The following MTMR7 variants were observed in gnomAD, a reference collection of about 807,000 sequenced individuals.
The protein encoded by MTMR7 is myotubularin related protein 7.
Under a neutral mutation model 81.2 loss-of-function variants are expected in MTMR7, and 76 were observed. The observed-to-expected ratio is 0.94, with a 90% CI of 0.78 to 1.13. The LOEUF (loss-of-function observed/expected upper bound fraction) is 1.13. MTMR7 is among the 50% of genes most tolerant of loss of function. The pLI, the probability that MTMR7 is intolerant of heterozygous loss-of-function variation, is 0.00. For synonymous variants in MTMR7, 372 were observed against 289.8 expected (o/e 1.28, Z -2.88); for missense variants, 1,044 against 820.0 (o/e 1.27, Z -3.34).
chr8:17,301,951 A>T, intron 13 of MTMR7: 1 of 564,548 alleles, frequency 1.8e-6, no homozygotes, highest in Non-Finnish European at 2.9e-6. Context: ...TGAGCCACAA[A>T]CCAGATGTGT....
intron 7 of MTMR7, among the ~76,000 whole-genome samples, chr8:17,327,613 G>A (rs1818753156): frequency 1.4e-5 from 2 of 145,550 alleles, no homozygotes; most frequent in South Asian, 2.1e-4. Flanking sequence ...ACGTATTTTG[G>A]ATTAGTCCCT....
At chr8:17,349,715 T>A (rs1038784475) in intron 4 of MTMR7, among the ~76,000 whole-genome samples, 4 of 152,316 alleles carry the variant, frequency 2.6e-5, no homozygotes, top group Non-Finnish European at 4.4e-5. Context: ...TACCGCGCAA[T>A]GTAACAGCTT....
intron 10 of MTMR7, 107 bp downstream of exon 10, chr8:17,309,170 G>A (rs1181570521): frequency 4.0e-6 from 3 of 746,670 alleles, no homozygotes; most frequent in Non-Finnish European, 6.9e-6. Flanking sequence ...CTGAATAAGA[G>A]ACACAAACTC....
intron 5 of MTMR7, among the ~76,000 whole-genome samples, chr8:17,344,944 C>A (rs771649985): frequency 1.6e-4 from 25 of 151,886 alleles, no homozygotes; most frequent in Non-Finnish European, 3.5e-4. Context: ...CCATGCTGTG[C>A]ACCATCTTAA....
chr8:17,359,885 T>G (rs1294840939), intron 4 of MTMR7, among the ~76,000 whole-genome samples: 1 of 152,182 alleles, frequency 6.6e-6, no homozygotes, highest in Non-Finnish European at 1.5e-5. Context: ...CTTTCCACAA[T>G]TATTTTTGAC....
intron 1 of MTMR7, among the ~76,000 whole-genome samples, chr8:17,386,466 G>C (rs2213904): frequency 0.42 from 64,547 of 152,102 alleles, 14,246 homozygotes; most frequent in Admixed American, 0.57. Flanking sequence ...ATAGGAGCAA[G>C]AGACAGAAAT....
intron 1 of MTMR7, among the ~76,000 whole-genome samples, chr8:17,400,058 A>G (rs550349491): frequency 6.6e-6 from 1 of 152,250 alleles, no homozygotes; most frequent in African/African-American, 2.4e-5. Context: ...GCAGAGGAAT[A>G]CCCTTTAAAA....
chr8:17,327,187 A>G (rs1051202878), intron 7 of MTMR7, among the ~76,000 whole-genome samples: 1 of 152,226 alleles, frequency 6.6e-6, no homozygotes, highest in Non-Finnish European at 1.5e-5. Context: ...AAAATTAATC[A>G]GTCTACTACT....
At chr8:17,341,019 T>A (rs1175364759) in intron 6 of MTMR7, among the ~76,000 whole-genome samples, 1 of 152,224 alleles carries the variant, frequency 6.6e-6, no homozygotes, top group Non-Finnish European at 1.5e-5. Context: ...TGAATTTTAT[T>A]GTCAGAGCAG....
intron 4 of MTMR7, among the ~76,000 whole-genome samples, chr8:17,359,294 T>G (rs887910822): frequency 6.6e-6 from 1 of 152,086 alleles, no homozygotes; most frequent in African/African-American, 2.4e-5. Context: ...AAGTACCATA[T>G]AGCAATGTAG....
At chr8:17,389,960 C>G (rs1821053641) in intron 1 of MTMR7, among the ~76,000 whole-genome samples, 1 of 151,648 alleles carries the variant, frequency 6.6e-6, no homozygotes, top group African/African-American at 2.4e-5. Flanking sequence ...CTGTACCAGA[C>G]ATAGAGTGTT....
chr8:17,328,243 T>C (rs1818794373), intron 7 of MTMR7, among the ~76,000 whole-genome samples: 1 of 152,074 alleles, frequency 6.6e-6, no homozygotes, highest in Non-Finnish European at 1.5e-5. Flanking sequence ...GGTGTCCCAG[T>C]GGGGCACACC....
At chr8:17,328,299 T>A (rs1818800491) in intron 7 of MTMR7, among the ~76,000 whole-genome samples, 1 of 152,144 alleles carries the variant, frequency 6.6e-6, no homozygotes, top group African/African-American at 2.4e-5. Context: ...CCTTTCCACC[T>A]TCCTCTTCAC....
chr8:17,376,681 C>A (rs1820600062), intron 1 of MTMR7, among the ~76,000 whole-genome samples: 1 of 152,080 alleles, frequency 6.6e-6, no homozygotes, highest in Admixed American at 6.6e-5. Flanking sequence ...TGATAGCTAA[C>A]AATATTGAGC....
chr8:17,306,642 T>C (rs763946292), intron 10 of MTMR7, among the ~76,000 whole-genome samples: 2 of 152,158 alleles, frequency 1.3e-5, no homozygotes, highest in Admixed American at 6.6e-5. Flanking sequence ...GATGTTTTGG[T>C]GTCATCAAAG....
chr8:17,348,383 CA>C (rs541527347), intron 5 of MTMR7, among the ~76,000 whole-genome samples: 89 of 141,672 alleles, frequency 6.3e-4, no homozygotes, highest in African/African-American at 2.0e-3. Context: ...ACTAAAAATA[CA>C]AAAAAAAAAC....
intron 6 of MTMR7, among the ~76,000 whole-genome samples, chr8:17,339,399 T>C (rs1390030643): frequency 1.3e-5 from 2 of 152,144 alleles, no homozygotes; most frequent in Non-Finnish European, 2.9e-5. Flanking sequence ...TAAAGAGACA[T>C]CCACTACCCA....
At chr8:17,306,644 T>C (rs1158784451) in intron 10 of MTMR7, among the ~76,000 whole-genome samples, 1 of 152,192 alleles carries the variant, frequency 6.6e-6, no homozygotes, top group African/African-American at 2.4e-5. Flanking sequence ...TGTTTTGGTG[T>C]CATCAAAGAC....
intron 1 of MTMR7, among the ~76,000 whole-genome samples, chr8:17,378,297 T>C (rs895319444): frequency 3.9e-5 from 6 of 152,132 alleles, no homozygotes; most frequent in African/African-American, 9.7e-5. Flanking sequence ...AAAAATGAAT[T>C]ATAAAAATTA....
Sources: gnomAD v4.1 joint callset for allele counts (sites outside exome capture counted in the v4.1 genomes callset) on GRCh38, gnomAD v4.1.1 for gene constraint, MANE v1.5 for transcripts, NCBI Gene and HGNC (gene_info 2026-07-23, HGNC 2026-07-21) for gene names.